The following TAFA1 variants were observed in gnomAD, a reference collection of about 807,000 sequenced individuals.
The protein encoded by TAFA1 is TAFA chemokine like family member 1, also known as chemokine-like protein TAFA-1.
Under a neutral mutation model 18.5 loss-of-function variants are expected in TAFA1, and 4 were observed. The ratio of observed to expected loss-of-function variants is 0.22; its 90% confidence interval spans 0.11 to 0.49. TAFA1 has a LOEUF of 0.49. Among genes scored for constraint, TAFA1 ranks in the 20% least tolerant of loss-of-function variants. TAFA1 has a pLI of 0.98. For synonymous variants in TAFA1, 56 were observed against 55.2 expected (o/e 1.01, Z -0.06); for missense variants, 147 against 169.0 (o/e 0.87, Z 0.72).
At chr3:68,164,291 A>G (rs1294046625) in intron 2 of TAFA1, among the ~76,000 whole-genome samples, 3 of 152,310 alleles carry the variant, frequency 2.0e-5, no homozygotes, top group African/African-American at 7.2e-5. Context: ...TCTCAAAGTA[A>G]GCTGTTTAAT....
intron 2 of TAFA1, among the ~76,000 whole-genome samples, chr3:68,156,578 C>T (rs2065869464): frequency 6.6e-6 from 1 of 152,128 alleles, no homozygotes; most frequent in Admixed American, 6.6e-5. Flanking sequence ...CAGCACATAT[C>T]TGTTGGGCAA....
At chr3:68,169,439 A>C (rs2066025061) in intron 2 of TAFA1, among the ~76,000 whole-genome samples, 1 of 152,240 alleles carries the variant, frequency 6.6e-6, no homozygotes, top group South Asian at 2.1e-4. Context: ...GGAGTCTCCT[A>C]ACCAAACAAA....
chr3:68,295,226 T>C (rs1303259092), intron 2 of TAFA1, among the ~76,000 whole-genome samples: 1 of 152,232 alleles, frequency 6.6e-6, no homozygotes, highest in Non-Finnish European at 1.5e-5. Flanking sequence ...TTAGGGATTT[T>C]GAATCAGATT....
chr3:68,164,446 C>T (rs930577573), intron 2 of TAFA1, among the ~76,000 whole-genome samples: 2 of 152,082 alleles, frequency 1.3e-5, no homozygotes, highest in African/African-American at 4.8e-5. Flanking sequence ...CCTTTTTGTC[C>T]CCCTTGGGTA....
chr3:68,336,400 G>T (rs2068969735), intron 2 of TAFA1, among the ~76,000 whole-genome samples: 1 of 152,132 alleles, frequency 6.6e-6, no homozygotes, highest in African/African-American at 2.4e-5. Flanking sequence ...CTTTTATCAT[G>T]AAAAAGCTAG....
intron 2 of TAFA1, among the ~76,000 whole-genome samples, chr3:68,008,941 G>T (rs948652851): frequency 1.8e-4 from 27 of 152,106 alleles, no homozygotes; most frequent in African/African-American, 5.8e-4. Flanking sequence ...GAGAGGTGGG[G>T]TGTAAATATA....
intron 2 of TAFA1, among the ~76,000 whole-genome samples, chr3:68,314,599 T>A (rs1359534522): frequency 6.6e-6 from 1 of 152,200 alleles, no homozygotes; most frequent in Non-Finnish European, 1.5e-5. Context: ...ATACGCAATA[T>A]CATGATTTGT....
chr3:68,255,775 T>A (rs2067287010), intron 2 of TAFA1, among the ~76,000 whole-genome samples: 1 of 152,116 alleles, frequency 6.6e-6, no homozygotes, highest in African/African-American at 2.4e-5. Context: ...TTGACTAAAG[T>A]GTCCAAAGTG....
intron 2 of TAFA1, among the ~76,000 whole-genome samples, chr3:68,213,496 A>G (rs1250039778): frequency 6.6e-6 from 1 of 152,082 alleles, no homozygotes; most frequent in Non-Finnish European, 1.5e-5. Flanking sequence ...TCAGAGTGCT[A>G]TTACCAAAAG....
chr3:68,108,333 G>T (rs921282133), intron 2 of TAFA1, among the ~76,000 whole-genome samples: 1 of 151,456 alleles, frequency 6.6e-6, no homozygotes, highest in African/African-American at 2.4e-5. Context: ...ATGGTCCCAA[G>T]ACAAAAAAAA....
At chr3:68,485,918 A>C (rs17047758) in intron 3 of TAFA1, among the ~76,000 whole-genome samples, 33,003 of 151,934 alleles carry the variant, frequency 0.22, 3,890 homozygotes, top group African/African-American at 0.3. Flanking sequence ...AAAATGGAGA[A>C]CTTTCCTTCA....
chr3:68,165,633 A>G (rs9818217), intron 2 of TAFA1, among the ~76,000 whole-genome samples: 102,810 of 152,128 alleles, frequency 0.68, 35,163 homozygotes, highest in South Asian at 0.78. Flanking sequence ...ATCCTAGAGT[A>G]GAATTTAGTA....
chr3:68,165,932 T>G (rs1431506771), intron 2 of TAFA1, among the ~76,000 whole-genome samples: 1 of 152,208 alleles, frequency 6.6e-6, no homozygotes, highest in African/African-American at 2.4e-5. Context: ...TTTCCATATT[T>G]TAAATGGTCA....
At chr3:68,489,944 T>C (rs1307887812) in intron 3 of TAFA1, among the ~76,000 whole-genome samples, 2 of 152,182 alleles carry the variant, frequency 1.3e-5, no homozygotes, top group African/African-American at 4.8e-5. Flanking sequence ...AAATGAAAAA[T>C]TGACAAACTA....
chr3:68,231,512 C>T (rs2066871778), intron 2 of TAFA1, among the ~76,000 whole-genome samples: 1 of 150,830 alleles, frequency 6.6e-6, no homozygotes, highest in African/African-American at 2.4e-5. Context: ...AGGCGCCCGC[C>T]ACCGCGCCCG....
intron 2 of TAFA1, among the ~76,000 whole-genome samples, chr3:68,367,904 T>C (rs1182442895): frequency 2.0e-5 from 3 of 152,182 alleles, no homozygotes; most frequent in Non-Finnish European, 2.9e-5. Flanking sequence ...TTCTATTGTT[T>C]GTGTAACTAA....
At chr3:68,444,050 C>T (rs1575872630) in intron 3 of TAFA1, among the ~76,000 whole-genome samples, 2 of 152,194 alleles carry the variant, frequency 1.3e-5, no homozygotes, top group East Asian at 3.9e-4. Flanking sequence ...TGGTCCCTTT[C>T]CTCCATGGCC....
intron 2 of TAFA1, among the ~76,000 whole-genome samples, chr3:68,114,017 G>A (rs1036712073): frequency 2.0e-5 from 3 of 147,982 alleles, no homozygotes; most frequent in African/African-American, 7.4e-5. Context: ...CAATTATCAT[G>A]TCTCAGCCTC....
intron 2 of TAFA1, among the ~76,000 whole-genome samples, chr3:68,343,130 C>A (rs747998515): frequency 6.6e-6 from 1 of 152,138 alleles, no homozygotes; most frequent in Non-Finnish European, 1.5e-5. Flanking sequence ...TTTCTCATTA[C>A]CCATTAAGAA....
Sources: gnomAD v4.1 joint callset for allele counts (sites outside exome capture counted in the v4.1 genomes callset) on GRCh38, gnomAD v4.1.1 for gene constraint, MANE v1.5 for transcripts, NCBI Gene and HGNC (gene_info 2026-07-23, HGNC 2026-07-21) for gene names.